SH3PXD2A: variants seen among roughly 807,000 people sequenced by gnomAD.
The protein encoded by SH3PXD2A is SH3 and PX domains 2A.
SH3PXD2A carries 32 observed loss-of-function variants against 115.2 expected under a neutral mutation model. That is an observed-to-expected ratio of 0.28 (90% CI 0.21 to 0.37). The LOEUF is 0.37. SH3PXD2A is among the 10% of genes least tolerant of loss of function. The pLI, the probability that SH3PXD2A is intolerant of heterozygous loss-of-function variation, is 1.00. For missense variants in SH3PXD2A, 1,328 were observed against 1,498.7 expected (o/e 0.89, Z 1.88); for synonymous variants, 610 against 629.1 (o/e 0.97, Z 0.45).
chr10:103,707,587 A>G (rs1324477702), intron 5 of SH3PXD2A, among the ~76,000 whole-genome samples: 1 of 151,998 alleles, frequency 6.6e-6, no homozygotes, highest in Non-Finnish European at 1.5e-5. Context: ...GCCTCAAGCA[A>G]TTCTCCTGCC....
chr10:103,839,846 C>G (rs1232121851), intron 1 of SH3PXD2A, among the ~76,000 whole-genome samples: 2 of 152,264 alleles, frequency 1.3e-5, no homozygotes, highest in African/African-American at 2.4e-5. Context: ...ATGTCAGATT[C>G]TGGAGTCCGA....
At chr10:103,855,156 C>T (rs1842929215) in intron 1 of SH3PXD2A, 39 bp downstream of exon 1, 6 of 1,472,930 alleles carry the variant, frequency 4.1e-6, no homozygotes, top group Non-Finnish European at 5.5e-6. Flanking sequence ...CCCGGGACCT[C>T]GGGCCACCCC....
intron 5 of SH3PXD2A, among the ~76,000 whole-genome samples, chr10:103,702,334 GAAAAGACAACAT>G (rs1407260062): frequency 1.3e-5 from 2 of 152,304 alleles, no homozygotes; most frequent in East Asian, 1.9e-4. Context: ...AAACACCCAC[GAAAAGACAACAT>G]ACAAGTTCCC....
At chr10:103,772,812 C>T (rs1395881857) in intron 2 of SH3PXD2A, among the ~76,000 whole-genome samples, 1 of 152,242 alleles carries the variant, frequency 6.6e-6, no homozygotes, top group Non-Finnish European at 1.5e-5. Flanking sequence ...GAGACTCAAG[C>T]TTTCAGGCCC....
Position 103,676,045 on chromosome 10 carries a change from A to T in SH3PXD2A, c.428-7393T>A, listed in dbSNP as rs188965476. Among the ~76,000 whole-genome samples the T allele has an allele frequency of 2.6e-4, 39 of 148,930 alleles. 2 individuals carry two copies. In the South Asian group the frequency reaches 7.9e-3, roughly 30 times the overall value. ...CAAGAGCGAAACTCCGTCTCGGGGG[A>T]AAAAAAAAAGAAAAGTTAAGGTTCT... is the stretch of plus-strand genomic sequence containing the variant. On this transcript the variant is annotated intron_variant, in intron 6 of 14. Transcript: ENST00000369774.
intron 6 of SH3PXD2A, among the ~76,000 whole-genome samples, 186 bp from the exon 7 acceptor site, chr10:103,668,838 G>A (rs548125295): frequency 2.0e-4 from 30 of 152,378 alleles, no homozygotes; most frequent in African/African-American, 7.2e-4. Flanking sequence ...GGGCCCGTGT[G>A]ATTACAGAGG....
intron 1 of SH3PXD2A, among the ~76,000 whole-genome samples, chr10:103,811,055 C>T (rs1024420877): frequency 6.6e-6 from 1 of 152,154 alleles, no homozygotes; most frequent in Non-Finnish European, 1.5e-5. Flanking sequence ...AGCTCTGCTG[C>T]CCAGGGCTGG....
rs185470429 is a variant in SH3PXD2A at position 103,747,852 on chromosome 10, G to T, written c.230-12044C>A. ...TTTTGTAGAGATGAGGTCTCACTGT[G>T]TTGCCTAGGTTGGTCTTGAACTCCT... On this transcript the variant is annotated intron_variant, in intron 3 of 14. Coordinates refer to ENST00000369774, the MANE Select transcript of SH3PXD2A (RefSeq NM_001394015.1). 1.4e-3 allele frequency among the ~76,000 whole-genome samples: 214 copies of T among 152,206 alleles called. 3 individuals are homozygous for T. The East Asian group carries it at 0.039, about 28-fold the overall frequency.
At position 103,724,326 on chromosome 10, in the gene SH3PXD2A, A is replaced by T; in HGVS notation, c.342T>A (p.Cys114Ter). ...LVRLPPHISQ[C>*]DEVFRFFEAR... ...CCTCGAAGAACCGGAAGACTTCGTC[A>T]CACTGTGAGATGTGGGGGGGCAGCC... is the stretch of plus-strand genomic sequence containing the variant. The change falls in exon 5 of 15, where the codon TGT (cysteine) becomes TGA (stop). Residue 114 changes from cysteine (C) to a stop codon, truncating the protein, a stop_gained. Coordinates refer to ENST00000369774, the MANE Select transcript of SH3PXD2A (RefSeq NM_001394015.1). LOFTEE classifies it high-confidence loss of function. 6.3e-7 allele frequency: 1 copy of T among 1,585,126 alleles called. No homozygotes were observed. Among genetic ancestry groups the T allele is most frequent in the Non-Finnish European group, 8.6e-7 (1 of 1,168,472 alleles).
At chr10:103,700,721 G>A (rs902722199) in intron 5 of SH3PXD2A, among the ~76,000 whole-genome samples, 3 of 152,170 alleles carry the variant, frequency 2.0e-5, no homozygotes, top group Admixed American at 6.5e-5. Flanking sequence ...AGTGCTAGGA[G>A]CTCCTCCTCA....
chr10:103,687,474 G>A (rs1277961942), intron 6 of SH3PXD2A, among the ~76,000 whole-genome samples: 1 of 152,172 alleles, frequency 6.6e-6, no homozygotes, highest in Non-Finnish European at 1.5e-5. Context: ...ACCTGATGCA[G>A]TTGTTTCCCA....
chr10:103,631,716 A>ACC (rs1564849034), intron 8 of SH3PXD2A, among the ~76,000 whole-genome samples: 1 of 152,022 alleles, frequency 6.6e-6, no homozygotes, highest in Non-Finnish European at 1.5e-5. Flanking sequence ...CCAGGATGTA[A>ACC]CCCCCAAGAA....
At chr10:103,829,629 A>G (rs2039465840) in intron 1 of SH3PXD2A, among the ~76,000 whole-genome samples, 1 of 152,260 alleles carries the variant, frequency 6.6e-6, no homozygotes, top group African/African-American at 2.4e-5. Context: ...AAGGGCAGAA[A>G]GACCGTGATG....
intron 3 of SH3PXD2A, among the ~76,000 whole-genome samples, chr10:103,764,750 T>C (rs900313099): frequency 1.3e-5 from 2 of 152,162 alleles, no homozygotes; most frequent in East Asian, 3.9e-4. Flanking sequence ...TCTCGGCACC[T>C]GGGCAGCTGA....
At chr10:103,613,473 G>C (rs1463480076) in intron 11 of SH3PXD2A, among the ~76,000 whole-genome samples, 1 of 152,224 alleles carries the variant, frequency 6.6e-6, no homozygotes, top group Non-Finnish European at 1.5e-5. Context: ...GTGGGAGCTT[G>C]GGATCAGATT....
intron 6 of SH3PXD2A, among the ~76,000 whole-genome samples, chr10:103,677,276 C>T (rs1231574983): frequency 7.9e-5 from 12 of 152,234 alleles, no homozygotes; most frequent in Admixed American, 6.5e-4. Context: ...TGTCTCAAAG[C>T]ATCAGACACA....
chr10:103,651,627 C>A (rs2037124753), intron 8 of SH3PXD2A, among the ~76,000 whole-genome samples: 1 of 152,258 alleles, frequency 6.6e-6, no homozygotes, highest in South Asian at 2.1e-4. Context: ...TGGGCTTCAA[C>A]TTCCTCCTTG....
At chr10:103,772,995 G>A (rs1056579711) in intron 2 of SH3PXD2A, among the ~76,000 whole-genome samples, 5 of 152,160 alleles carry the variant, frequency 3.3e-5, no homozygotes, top group South Asian at 4.1e-4. Context: ...AGGCCAAGGC[G>A]GGGTGGATCA....
intron 8 of SH3PXD2A, among the ~76,000 whole-genome samples, chr10:103,631,606 C>T (rs1200885884): frequency 1.3e-5 from 2 of 152,146 alleles, no homozygotes; most frequent in Non-Finnish European, 2.9e-5. Flanking sequence ...ATCTGAGGAA[C>T]AAAAGTCAAC....
Sources: allele counts gnomAD v4.1 joint callset (sites outside exome capture counted in the v4.1 genomes callset), GRCh38; gene constraint gnomAD v4.1.1; transcripts MANE v1.5; gene names NCBI Gene and HGNC (gene_info 2026-07-23, HGNC 2026-07-21).